PTGES3: variants seen among roughly 807,000 people sequenced by gnomAD.
PTGES3 encodes Hsp90 co-chaperone.
PTGES3 carries 5 observed loss-of-function variants against 29.9 expected under a neutral mutation model. The ratio of observed to expected loss-of-function variants is 0.17; its 90% confidence interval spans 0.09 to 0.35. The LOEUF is 0.35. Among genes scored for constraint, PTGES3 ranks in the 10% least tolerant of loss-of-function variants. PTGES3 has a pLI of 1.00. For missense variants in PTGES3, 128 were observed against 190.0 expected, an observed-to-expected ratio of 0.67 and a Z score of 1.92; for synonymous variants, 49 against 57.8, an observed-to-expected ratio of 0.85 and a Z score of 0.69.
intron 1 of PTGES3, among the ~76,000 whole-genome samples, chr12:56,680,669 A>C (rs1202633077): frequency 6.6e-6 from 1 of 151,848 alleles, no homozygotes; most frequent in East Asian, 1.9e-4. Flanking sequence ...GGCGTGAGCC[A>C]CCACACCTGG....
intron 1 of PTGES3, among the ~76,000 whole-genome samples, chr12:56,683,845 G>A (rs528992017): frequency 5.6e-4 from 84 of 149,080 alleles, no homozygotes; most frequent in Non-Finnish European, 1.1e-3. Context: ...TGTAGTCCCA[G>A]CTACTCGGGA....
chr12:56,675,004 C>CCAAAAAA (rs1952171736), intron 1 of PTGES3, among the ~76,000 whole-genome samples: 1 of 32,358 alleles, frequency 3.1e-5, no homozygotes. Flanking sequence ...AACTCGGTCT[C>CCAAAAAA]AAAAAAAAAA....
At chr12:56,683,301 T>C (rs545434005) in intron 1 of PTGES3, among the ~76,000 whole-genome samples, 6 of 150,918 alleles carry the variant, frequency 4.0e-5, no homozygotes, top group Middle Eastern at 3.4e-3. Flanking sequence ...CTGACCAACA[T>C]GGAGAAACCC....
rs1952704707 is a variant in PTGES3 at position 56,683,970 on chromosome 12, AACAAAAAAAAC to A, written c.2+4017_2+4027del. On this transcript the variant is annotated intron_variant, in intron 1 of 7. Transcript: ENST00000262033. ...GAAACTCCGTCTCAAAAAAAAAAAA[AACAAAAAAAAC>A]AAACAAAAAAAACCCCAAAACTGTA... 8.2e-5 allele frequency among the ~76,000 whole-genome samples: 12 copies of A among 145,836 alleles called. No homozygotes were observed. In the South Asian group the frequency reaches 2.5e-3, roughly 31 times the overall value.
chr12:56,666,353 G>C (rs1048901668), intron 5 of PTGES3, 87 bp from the exon 6 acceptor site: 4 of 1,460,854 alleles, frequency 2.7e-6, no homozygotes, highest in Non-Finnish European at 3.6e-6. Flanking sequence ...TAAACCTTAA[G>C]TCTGCCACAG....
chr12:56,680,295 T>C (rs766625188), intron 1 of PTGES3, among the ~76,000 whole-genome samples: 1 of 152,006 alleles, frequency 6.6e-6, no homozygotes, highest in Non-Finnish European at 1.5e-5. Flanking sequence ...CAGGCTGGTC[T>C]CGAACTCGGC....
intron 1 of PTGES3, among the ~76,000 whole-genome samples, chr12:56,676,758 A>G (rs1408397070): frequency 6.6e-6 from 1 of 151,598 alleles, no homozygotes; most frequent in African/African-American, 2.4e-5. Context: ...CCCCATCGCT[A>G]CTAAAAATAC....
chr12:56,672,330 C>T (rs959631089), intron 3 of PTGES3, among the ~76,000 whole-genome samples: 10 of 151,982 alleles, frequency 6.6e-5, no homozygotes, highest in African/African-American at 2.4e-4. Context: ...ATGGTCTTTA[C>T]TAAAAACACA....
At chr12:56,670,761 T>G (rs2958155) in intron 4 of PTGES3, 108,252 of 172,206 alleles carry the variant, frequency 0.63, 34,632 homozygotes, top group East Asian at 0.74. Context: ...CAATATTTTT[T>G]GAACTGTGAC....
chr12:56,676,175 G>A (rs1952234600), intron 1 of PTGES3, among the ~76,000 whole-genome samples: 1 of 137,884 alleles, frequency 7.3e-6, no homozygotes, highest in Non-Finnish European at 1.5e-5. Flanking sequence ...GCGGTAAGCC[G>A]AGATCACGCC....
chr12:56,665,945 C>T (rs970980694), intron 6 of PTGES3: 11 of 1,131,218 alleles, frequency 9.7e-6, no homozygotes, highest in Admixed American at 4.7e-5. Flanking sequence ...TAATTGAGTA[C>T]GGTATTAATA....
intron 3 of PTGES3, 124 bp downstream of exon 3, chr12:56,672,616 G>T: frequency 8.8e-7 from 1 of 1,136,878 alleles, no homozygotes. Flanking sequence ...TCTACAAAAT[G>T]TAAATATACA....
At chr12:56,687,004 T>TAA (rs1952897966) in intron 1 of PTGES3, 1 of 43,076 alleles carries the variant, frequency 2.3e-5, no homozygotes, top group African/African-American at 1.6e-4. Flanking sequence ...TAACCTCCCG[T>TAA]CAAAAAAAAA....
At chr12:56,687,961 A>T (rs926908810) in intron 1 of PTGES3, 37 bp downstream of exon 1, 8 of 1,602,816 alleles carry the variant, frequency 5.0e-6, no homozygotes, top group Non-Finnish European at 6.8e-6. Flanking sequence ...CCTCGGCCTC[A>T]CTCGGCGACC....
rs77834716 is a variant in PTGES3, at chr12:56,671,399, G to A, written c.285+350C>T. On this transcript the variant is annotated intron_variant, in intron 4 of 7. Transcript: ENST00000262033. Reference sequence around the variant, plus strand: ...GGGTGACAAAGAGAGACCCTGTTTTGGGGGAAAAAAAACACTGAAAATTGT... The same window carrying A: ...GGGTGACAAAGAGAGACCCTGTTTTAGGGGAAAAAAAACACTGAAAATTGT... Among the ~76,000 whole-genome samples, 97 of 152,002 alleles carry A rather than the reference G, an allele frequency of 6.4e-4. 2 individuals are homozygous for A. The East Asian group carries it at 0.018, about 29-fold the overall frequency.
chr12:56,687,917 C>T, intron 1 of PTGES3, 81 bp downstream of exon 1: 3 of 1,602,436 alleles, frequency 1.9e-6, no homozygotes, highest in East Asian at 4.5e-5. Flanking sequence ...GCGAGAAAGG[C>T]TAGGGGGCCG....
chr12:56,682,862 C>T (rs370846572), intron 1 of PTGES3, among the ~76,000 whole-genome samples: 9 of 152,134 alleles, frequency 5.9e-5, no homozygotes, highest in African/African-American at 2.2e-4. Context: ...GGCATAGCGG[C>T]ACATGCCTGT....
At chr12:56,676,332 G>A (rs766887049) in intron 1 of PTGES3, among the ~76,000 whole-genome samples, 2 of 151,482 alleles carry the variant, frequency 1.3e-5, no homozygotes, top group Admixed American at 6.6e-5. Context: ...TTTCTCCAGC[G>A]GTCCTTTTAT....
intron 5 of PTGES3, 45 bp from the exon 6 acceptor site, chr12:56,666,311 G>C (rs749767564): frequency 6.3e-7 from 1 of 1,590,928 alleles, no homozygotes; most frequent in Non-Finnish European, 8.6e-7. Flanking sequence ...TGTTAAGTTA[G>C]GCCCTAATTA....
Sources: allele counts gnomAD v4.1 joint callset (sites outside exome capture counted in the v4.1 genomes callset), GRCh38; gene constraint gnomAD v4.1.1; transcripts MANE v1.5; gene names NCBI Gene and HGNC (gene_info 2026-07-23, HGNC 2026-07-21).